The following PPARG variants were observed in gnomAD, a reference collection of about 807,000 sequenced individuals.
PPARG encodes the protein peroxisome proliferator-activated receptor gamma.
A neutral mutation model predicts 39.2 loss-of-function variants in PPARG; 17 were observed. The ratio of observed to expected loss-of-function variants is 0.43; its 90% CI spans 0.30 to 0.65. The LOEUF (loss-of-function observed/expected upper bound fraction) is 0.65, where lower values mean the gene tolerates loss of function less well. Among genes scored for constraint, PPARG ranks in the 30% least tolerant of loss-of-function variants. The pLI, the probability that PPARG is intolerant of heterozygous loss-of-function variation, is 0.13. For synonymous variants in PPARG, 223 were observed against 215.7 expected, an observed-to-expected ratio of 1.03 and a Z score of -0.30; for missense variants, 406 against 585.9, an observed-to-expected ratio of 0.69 and a Z score of 3.17.
At chr3:12,420,771 G>A (rs569804735) in intron 7 of PPARG, among the ~76,000 whole-genome samples, 24 of 152,320 alleles carry the variant, frequency 1.6e-4, no homozygotes, top group African/African-American at 4.8e-4. Context: ...TTGAACTTCA[G>A]CCTTAAAAAC....
chr3:12,342,474 G>A (rs1423876371), intron 2 of PPARG, among the ~76,000 whole-genome samples: 2 of 152,136 alleles, frequency 1.3e-5, no homozygotes, highest in Non-Finnish European at 2.9e-5. Context: ...TATGGGCTGG[G>A]TATTGTTTGA....
At chr3:12,341,086 G>A (rs1475965436) in intron 2 of PPARG, among the ~76,000 whole-genome samples, 2 of 152,118 alleles carry the variant, frequency 1.3e-5, no homozygotes, top group Non-Finnish European at 2.9e-5. Flanking sequence ...GGGAGGCTGA[G>A]GCAGAAGAAT....
intron 2 of PPARG, among the ~76,000 whole-genome samples, chr3:12,363,153 C>T (rs562070037): frequency 1.3e-5 from 2 of 152,252 alleles, no homozygotes; most frequent in South Asian, 2.1e-4. Context: ...CTCTTAGGCT[C>T]AAGTAATCCT....
chr3:12,302,119 G>A (rs930156112), intron 1 of PPARG, among the ~76,000 whole-genome samples: 1 of 152,228 alleles, frequency 6.6e-6, no homozygotes, highest in African/African-American at 2.4e-5. Context: ...ATTCAGAGAA[G>A]GCTAAGATCA....
intron 6 of PPARG, among the ~76,000 whole-genome samples, chr3:12,408,726 G>A (rs2050769584): frequency 6.6e-6 from 1 of 151,804 alleles, no homozygotes; most frequent in Non-Finnish European, 1.5e-5. Context: ...ACCAGCCATG[G>A]TTAGTTTTCA....
At chr3:12,337,865 C>A (rs2048060136) in intron 2 of PPARG, among the ~76,000 whole-genome samples, 1 of 152,134 alleles carries the variant, frequency 6.6e-6, no homozygotes, top group African/African-American at 2.4e-5. Flanking sequence ...AGTTATTATA[C>A]ATAATCTAGA....
At chr3:12,353,910 A>G (rs1432262530) in intron 2 of PPARG, among the ~76,000 whole-genome samples, 1 of 152,190 alleles carries the variant, frequency 6.6e-6, no homozygotes, top group Non-Finnish European at 1.5e-5. Context: ...TTAGTGCCAG[A>G]CTTAGTCCTG....
intron 2 of PPARG, among the ~76,000 whole-genome samples, chr3:12,348,062 C>T (rs543642805): frequency 6.6e-6 from 1 of 152,122 alleles, no homozygotes; most frequent in African/African-American, 2.4e-5. Context: ...TTTAAAAATT[C>T]ATATTCATTC....
chr3:12,389,322 AT>A (rs1361737717), intron 4 of PPARG, among the ~76,000 whole-genome samples: 5 of 152,218 alleles, frequency 3.3e-5, no homozygotes, highest in Non-Finnish European at 7.3e-5. Context: ...TCTAGTACTT[AT>A]CTAACTGGAG....
chr3:12,305,999 G>T (rs1015354805), intron 1 of PPARG: 2 of 152,072 alleles, frequency 1.3e-5, no homozygotes, highest in African/African-American at 4.8e-5. Context: ...TCTATATCAG[G>T]CTCTGTTTTA....
rs6776454 is a variant in PPARG at position 12,316,433 on chromosome 3, C to T, written c.-9+3980C>T. Reference sequence around the variant, plus strand: ...GTGGAATGGTGCTTACCAGGGGCTGCGGCACTGGAAAGGAACGGGGAGTTA... The same window carrying T: ...GTGGAATGGTGCTTACCAGGGGCTGTGGCACTGGAAAGGAACGGGGAGTTA... On this transcript the variant is annotated intron_variant, in intron 2 of 7. Transcript: ENST00000651735. Among the ~76,000 whole-genome samples, 681 of 151,918 alleles carry T rather than the reference C, an allele frequency of 4.5e-3. 15 individuals carry two copies. Among genetic ancestry groups the T allele is most frequent in the Admixed American group, 0.039 (588 of 15,264 alleles).
At chr3:12,373,278 A>G (rs2049285589) in intron 2 of PPARG, among the ~76,000 whole-genome samples, 1 of 152,108 alleles carries the variant, frequency 6.6e-6, no homozygotes, top group African/African-American at 2.4e-5. Flanking sequence ...GGTGTCCCAG[A>G]GTAAAAGGGA....
In PPARG at chr3:12,351,625, C is replaced by T. The variant is rs1329838398; in HGVS notation, c.-8-28079C>T. The T allele has an allele frequency of 5.0e-6, 8 of 1,611,232 alleles. No individual in the cohort carries two copies. The Admixed American group carries it at 5.0e-5, about 10-fold the overall frequency. The stretch of plus-strand genomic sequence containing the variant: ...AAACTCTGGGAGATTCTCCTATTGA[C>T]CCAGAAAGCGATTCCTTCACTGATA... On this transcript the variant is annotated intron_variant, in intron 2 of 7. Transcript: ENST00000651735.
At chr3:12,317,477 G>A (rs1013339234) in intron 2 of PPARG, among the ~76,000 whole-genome samples, 2 of 152,028 alleles carry the variant, frequency 1.3e-5, no homozygotes, top group African/African-American at 4.8e-5. Flanking sequence ...TTCACTGTTA[G>A]GTCCTATAAA....
intron 4 of PPARG, among the ~76,000 whole-genome samples, chr3:12,385,425 A>G (rs2049834940): frequency 6.6e-6 from 1 of 152,216 alleles, no homozygotes; most frequent in Admixed American, 6.5e-5. Flanking sequence ...TGAAATAGTT[A>G]CAGATTCTTG....
chr3:12,364,441 T>TA (rs1370499742), intron 2 of PPARG, among the ~76,000 whole-genome samples: 3 of 152,226 alleles, frequency 2.0e-5, no homozygotes, highest in African/African-American at 7.2e-5. Context: ...AGCCATAGTT[T>TA]ATCCACTCAG....
chr3:12,353,464 T>C (rs2048554205), intron 2 of PPARG, among the ~76,000 whole-genome samples: 1 of 152,224 alleles, frequency 6.6e-6, no homozygotes, highest in Non-Finnish European at 1.5e-5. Flanking sequence ...TGATCATCAT[T>C]AGCCGAGGCC....
intron 6 of PPARG, among the ~76,000 whole-genome samples, chr3:12,411,422 C>T (rs895989099): frequency 6.6e-6 from 1 of 152,186 alleles, no homozygotes; most frequent in African/African-American, 2.4e-5. Context: ...ACTTCTATCA[C>T]ACACAGCACT....
intron 6 of PPARG, among the ~76,000 whole-genome samples, chr3:12,414,071 A>G (rs893977142): frequency 6.6e-6 from 1 of 152,190 alleles, no homozygotes; most frequent in African/African-American, 2.4e-5. Context: ...GAAGAGTGAC[A>G]AGGGTGATTT....
Sources: gnomAD v4.1 joint callset for allele counts (sites outside exome capture counted in the v4.1 genomes callset) on GRCh38, gnomAD v4.1.1 for gene constraint, MANE v1.5 for transcripts, NCBI Gene and HGNC (gene_info 2026-07-23, HGNC 2026-07-21) for gene names.